The following ZNF776 variants were observed in gnomAD, a reference collection of about 807,000 sequenced individuals.
The protein encoded by ZNF776 is zinc finger protein 776.
ZNF776 carries 4 observed loss-of-function variants against 7.0 expected under a neutral mutation model. The observed-to-expected ratio is 0.57, with a 90% CI of 0.28 to 1.31. The LOEUF (loss-of-function observed/expected upper bound fraction) is 1.31, where lower values mean the gene tolerates loss of function less well. Ranked by LOEUF, ZNF776 falls within the 50% of genes most tolerant of loss-of-function variation. The pLI, the probability that ZNF776 is intolerant of heterozygous loss-of-function variation, is 0.10. For synonymous variants in ZNF776, 212 were observed against 213.7 expected (o/e 0.99, Z 0.07); for missense variants, 555 against 625.9 (o/e 0.89, Z 1.21).
Position 57,756,706 on chromosome 19 carries a change from C to T in ZNF776, c.*2019C>T, listed in dbSNP as rs949514291. The stretch of plus-strand genomic sequence containing the variant: ...TCTGAGAACAGCACAAAATTATTCT[C>T]TTGTTTATAATGGATATTGCATTCT... On this transcript the variant is annotated 3_prime_UTR_variant, in exon 3 of 3. Transcript: ENST00000317178. The T allele has an allele frequency of 2.4e-5, 5 of 205,762 alleles. No homozygotes were observed. Among genetic ancestry groups the T allele is most frequent in the African/African-American group, 1.2e-4 (5 of 42,390 alleles). 12.7% of individuals were successfully genotyped at this position (205,762 alleles called of 1,614,324 possible).
chr19:57,751,852 T>A (rs1018229568), intron 2 of ZNF776, among the ~76,000 whole-genome samples: 1 of 147,080 alleles, frequency 6.8e-6, no homozygotes, highest in East Asian at 2.0e-4. Flanking sequence ...TTTTGTTCAT[T>A]TGTATTTTTG....
Position 57,753,908 on chromosome 19 carries a change from G to A in ZNF776, c.778G>A (p.Gly260Arg), listed in dbSNP as rs565471341. The A allele has an allele frequency of 6.2e-7, 1 of 1,614,196 alleles. No individual in the cohort carries two copies. Among genetic ancestry groups the A allele is most frequent in the African/African-American group, 1.3e-5 (1 of 75,044 alleles). The change falls in exon 3 of 3, where the codon GGA becomes AGA. Residue 260 changes from glycine (G) to arginine (R), a missense_variant. Gly to Arg is a moderately radical substitution (Grantham distance 125). Coordinates refer to ENST00000317178, the MANE Select transcript of ZNF776 (RefSeq NM_173632.4). ...SFNNHQGVRT[G>R]KRPYQCGQCD... ...TAATAATCATCAGGGAGTTCGCACT[G>A]GAAAAAGACCTTATCAGTGTGGACA...
intron 2 of ZNF776, 69 bp downstream of exon 2, chr19:57,750,980 G>A: frequency 1.3e-6 from 2 of 1,509,604 alleles, no homozygotes; most frequent in South Asian, 1.3e-5. Context: ...TTTCCCCATG[G>A]CAAGACTGTT....
In ZNF776 at chr19:57,746,940, C is replaced by G. The variant is rs1302663024; in HGVS notation, c.-119C>G. ...TTGTCCCGACTGCACAGAGGCTGCT[C>G]TGCAGCTCCTTAAAGGCGCTAGGCG... On this transcript the variant is annotated 5_prime_UTR_variant, in exon 1 of 3. Transcript: ENST00000317178. 1.9e-6 allele frequency: 2 copies of G among 1,058,348 alleles called. No individual in the cohort carries two copies. Among genetic ancestry groups the G allele is most frequent in the Admixed American group, 5.6e-5 (2 of 35,502 alleles). 65.6% of individuals were successfully genotyped at this position (1,058,348 alleles called of 1,614,324 possible). A position where few individuals can be genotyped will look rare whatever the true frequency, so the allele number is the denominator to read the frequency against.
In ZNF776 at chr19:57,753,540, T is replaced by C. The variant is rs142022067; in HGVS notation, c.410T>C (p.Ile137Thr). The C allele has an allele frequency of 4.2e-5, 67 of 1,614,178 alleles. No individual in the cohort carries two copies. The African/African-American group carries it at 8.1e-4, about 20-fold the overall frequency. The change falls in exon 3 of 3, where the codon ATT (isoleucine) becomes ACT (threonine). Residue 137 changes from isoleucine (I) to threonine (T), a missense_variant. Transcript: ENST00000317178. ...CATCATCAAGACCAGAAGCAGCACA[T>C]TGGAGAGAAATCGTACAGAAGCAAT... ...ANHHQDQKQH[I>T]GEKSYRSNAK...
chr19:57,752,530 C>A (rs1986638596), intron 2 of ZNF776, among the ~76,000 whole-genome samples: 1 of 152,116 alleles, frequency 6.6e-6, no homozygotes, highest in Non-Finnish European at 1.5e-5. Context: ...AGAGGGAGGC[C>A]ACCTCTGAGG....
In ZNF776 at chr19:57,754,715, A is replaced by T; in HGVS notation, c.*28A>T. ...ATTTGGCAGATCTGTTGGTAAAAAG[A>T]GCACCCTCATTCAACATTCGTGAGA... On this transcript the variant is annotated 3_prime_UTR_variant, in exon 3 of 3. Transcript: ENST00000317178. 2 of 1,593,536 alleles carry T rather than the reference A, an allele frequency of 1.3e-6. No individual in the cohort carries two copies. The highest frequency in any genetic ancestry group is 8.6e-7 in the Non-Finnish European group (1 of 1,167,424).
chr19:57,751,346 A>C (rs1046753309), intron 2 of ZNF776, among the ~76,000 whole-genome samples: 2 of 134,552 alleles, frequency 1.5e-5, no homozygotes, highest in African/African-American at 5.2e-5. Context: ...CTCCTTATAA[A>C]TTATCTTGTT....
chr19:57,756,709 GT>G lies in ZNF776; in HGVS notation c.*2025del, dbSNP rs1238545045. The G allele has an allele frequency of 4.7e-6, 1 of 213,946 alleles. No homozygotes were observed. The highest frequency in any genetic ancestry group is 1.4e-4 in the East Asian group (1 of 7,152). The allele number at this position is 213,946 out of a possible 1,614,324, so 13.3% of individuals were successfully genotyped here. A position where few individuals can be genotyped will look rare whatever the true frequency, so the allele number is the denominator to read the frequency against. On this transcript the variant is annotated 3_prime_UTR_variant, in exon 3 of 3. Coordinates refer to ENST00000317178, the MANE Select transcript of ZNF776 (RefSeq NM_173632.4). The stretch of plus-strand genomic sequence containing the variant: ...GAGAACAGCACAAAATTATTCTCTT[GT>G]TTATAATGGATATTGCATTCTGCTC...
rs1443767471 is a variant in ZNF776, at chr19:57,746,993, C to T, written c.-66C>T. On this transcript the variant is annotated 5_prime_UTR_variant, in exon 1 of 3. Transcript: ENST00000317178. Reference sequence around the variant, plus strand: ...ACCCGCACCAAGGCCGGGATCGGGACCACCGTGCCCGGGTACCTGCACTGC... The same window carrying T: ...ACCCGCACCAAGGCCGGGATCGGGATCACCGTGCCCGGGTACCTGCACTGC... 2 of 1,478,246 alleles carry T rather than the reference C, an allele frequency of 1.4e-6. No individual in the cohort carries two copies. The highest frequency in any genetic ancestry group is 2.8e-5 in the African/African-American group (2 of 71,364). The allele number at this position is 1,478,246 out of a possible 1,614,324, so 91.6% of individuals were successfully genotyped here. A position where few individuals can be genotyped will look rare whatever the true frequency, so the allele number is the denominator to read the frequency against.
In ZNF776 at chr19:57,755,070, A is replaced by G. The variant is rs1441344210; in HGVS notation, c.*383A>G. On this transcript the variant is annotated 3_prime_UTR_variant, in exon 3 of 3. Coordinates refer to ENST00000317178, the MANE Select transcript of ZNF776 (RefSeq NM_173632.4). ...GAAGAGCTGCATTACTATTCATCAG[A>G]TAATTTACAATGGAGAAAGGCCACA... 5.1e-6 allele frequency: 1 copy of G among 197,760 alleles called. No homozygotes were observed. The highest frequency in any genetic ancestry group is 2.3e-5 in the African/African-American group (1 of 42,560). 12.3% of individuals were successfully genotyped at this position (197,760 alleles called of 1,614,324 possible). A position where few individuals can be genotyped will look rare whatever the true frequency, so the allele number is the denominator to read the frequency against.
At chr19:57,751,880 T>TG (rs1206054269) in intron 2 of ZNF776, among the ~76,000 whole-genome samples, 2 of 133,134 alleles carry the variant, frequency 1.5e-5, no homozygotes, top group Non-Finnish European at 3.2e-5. Context: ...TTTTTTTTTT[T>TG]TTTTTTTTTT....
chr19:57,750,429 T>A, intron 1 of ZNF776, among the ~76,000 whole-genome samples: 2 of 96,170 alleles, frequency 2.1e-5, no homozygotes. Context: ...TGAAACCCTA[T>A]CTCAAAAAAA....
At position 57,756,845 on chromosome 19, in the gene ZNF776, A is replaced by G. The variant is rs901020233; in HGVS notation, c.*2158A>G. The G allele has an allele frequency of 6.6e-6, 3 of 455,702 alleles. No individual in the cohort carries two copies. Among genetic ancestry groups the G allele is most frequent in the Non-Finnish European group, 1.3e-5 (3 of 226,554 alleles). 28.2% of individuals were successfully genotyped at this position (455,702 alleles called of 1,614,324 possible). A position where few individuals can be genotyped will look rare whatever the true frequency, so the allele number is the denominator to read the frequency against. On this transcript the variant is annotated 3_prime_UTR_variant, in exon 3 of 3. Transcript: ENST00000317178. Reference sequence around the variant, plus strand: ...CGTTATAAGCCTGGAGAAAGAAATCATAATTCTTTAATTTTTATTTTTTTA... The same window carrying G: ...CGTTATAAGCCTGGAGAAAGAAATCGTAATTCTTTAATTTTTATTTTTTTA...
rs1221956910 is a variant in ZNF776 at position 57,746,947 on chromosome 19, T to C, written c.-112T>C. ...GACTGCACAGAGGCTGCTCTGCAGC[T>C]CCTTAAAGGCGCTAGGCGTGACCCG... On this transcript the variant is annotated 5_prime_UTR_variant, in exon 1 of 3. Transcript: ENST00000317178. 4.5e-6 allele frequency: 5 copies of C among 1,121,624 alleles called. No homozygotes were observed. The Admixed American group carries it at 1.1e-4, about 25-fold the overall frequency. 69.5% of individuals were successfully genotyped at this position (1,121,624 alleles called of 1,614,324 possible). A position where few individuals can be genotyped will look rare whatever the true frequency, so the allele number is the denominator to read the frequency against.
chr19:57,749,014 A>T (rs1373417618), intron 1 of ZNF776: 1 of 150,706 alleles, frequency 6.6e-6, no homozygotes, highest in Non-Finnish European at 1.5e-5. Flanking sequence ...AGGCTGGTGT[A>T]CTGGTGTATA....
chr19:57,751,868 G>GTTTTGT (rs1986614354), intron 2 of ZNF776, among the ~76,000 whole-genome samples: 1 of 67,506 alleles, frequency 1.5e-5, no homozygotes, highest in African/African-American at 5.5e-5. Flanking sequence ...TTTTGGTTTT[G>GTTTTGT]TTTTTTTTTT....
intron 2 of ZNF776, among the ~76,000 whole-genome samples, chr19:57,751,772 C>T (rs1372586961): frequency 2.0e-5 from 3 of 151,296 alleles, no homozygotes; most frequent in African/African-American, 7.3e-5. Context: ...GCCTTCTGGG[C>T]TCAAGTAATC....
rs573955064 is a variant in ZNF776, at chr19:57,756,670, A to C, written c.*1983A>C. On this transcript the variant is annotated 3_prime_UTR_variant, in exon 3 of 3. Coordinates refer to ENST00000317178, the MANE Select transcript of ZNF776 (RefSeq NM_173632.4). Reference sequence around the variant, plus strand: ...GAGTAGGGGACAGTTTTAGTGACACACTTTGGTGCTTCTGAGAACAGCACA... The same window carrying C: ...GAGTAGGGGACAGTTTTAGTGACACCCTTTGGTGCTTCTGAGAACAGCACA... 11 of 184,502 alleles carry C rather than the reference A, an allele frequency of 6.0e-5. No individual in the cohort carries two copies. The highest frequency in any genetic ancestry group is 3.3e-4 in the East Asian group (2 of 5,978). The allele number at this position is 184,502 out of a possible 1,614,324, so 11.4% of individuals were successfully genotyped here. A position where few individuals can be genotyped will look rare whatever the true frequency, so the allele number is the denominator to read the frequency against.
Sources: allele counts gnomAD v4.1 joint callset (sites outside exome capture counted in the v4.1 genomes callset), GRCh38; gene constraint gnomAD v4.1.1; transcripts MANE v1.5; gene names NCBI Gene and HGNC (gene_info 2026-07-23, HGNC 2026-07-21).